PITPNM3: variants seen among roughly 807,000 people sequenced by gnomAD.
PITPNM3 encodes membrane-associated phosphatidylinositol transfer protein 3.
PITPNM3 carries 26 observed loss-of-function variants against 102.0 expected under a neutral mutation model. The observed-to-expected ratio is 0.25, with a 90% CI of 0.19 to 0.35. The LOEUF is 0.35. Ranked by LOEUF, PITPNM3 falls within the 10% of genes least tolerant of loss-of-function variation. The pLI, the probability that PITPNM3 is intolerant of heterozygous loss-of-function variation, is 1.00. For synonymous variants in PITPNM3, 578 were observed against 558.6 expected (o/e 1.03, Z -0.49); for missense variants, 1,083 against 1,346.1 (o/e 0.80, Z 3.06).
In PITPNM3 at chr17:6,508,467, G is replaced by A. The variant is rs575137829; in HGVS notation, c.227-4893C>T. Among the ~76,000 whole-genome samples, 13 of 152,258 alleles carry A rather than the reference G, an allele frequency of 8.5e-5. No individual in the cohort carries two copies. The South Asian group carries it at 1.5e-3, about 17-fold the overall frequency. On this transcript the variant is annotated intron_variant, in intron 3 of 19. Transcript: ENST00000262483. ...AGGGCTCTTCCCACAATTTCACCCC[G>A]CCTCCTATTGGTCGGGGGCTTCCTA... is the stretch of plus-strand genomic sequence containing the variant.
intron 2 of PITPNM3, among the ~76,000 whole-genome samples, chr17:6,531,049 C>T (rs951554443): frequency 2.6e-5 from 4 of 152,346 alleles, no homozygotes; most frequent in East Asian, 1.9e-4. Context: ...CTCCCAGTAA[C>T]ACTATCTCCT....
At chr17:6,512,584 C>G (rs985902562) in intron 3 of PITPNM3, among the ~76,000 whole-genome samples, 3 of 152,114 alleles carry the variant, frequency 2.0e-5, no homozygotes, top group Admixed American at 6.5e-5. Context: ...AATGTGACCC[C>G]CAAAGTCACA....
At position 6,477,096 on chromosome 17, in the gene PITPNM3, G is replaced by A. The variant is rs776506570; in HGVS notation, c.1018C>T (p.Arg340Trp). 141 of 1,614,026 alleles carry A rather than the reference G, an allele frequency of 8.7e-5. No individual in the cohort carries two copies. Among genetic ancestry groups the A allele is most frequent in the Non-Finnish European group, 1.0e-4 (120 of 1,180,038 alleles). The part of the protein sequence containing the change: ...EDEEPKRPLP[R>W]KQSDSSTYDC... ...TAGGTGGAGGAGTCGCTCTGTTTCCGCGGCAACGGCCTCTTGGGCTCCTCA... is the reference window on the plus strand; with the variant it reads ...TAGGTGGAGGAGTCGCTCTGTTTCCACGGCAACGGCCTCTTGGGCTCCTCA... The change falls in exon 9 of 20, where the codon CGG (arginine) becomes TGG (tryptophan). Residue 340 changes from arginine (R) to tryptophan (W), a missense_variant. Physicochemically the swap from Arg to Trp is moderately radical, Grantham distance 101 (BLOSUM62 -3). Around this residue, in one of 5 missense-constraint regions of PITPNM3, gnomAD observed 172 missense variants for 175.6 expected, o/e 0.98. Transcript: ENST00000262483.
rs143559020 is a variant in PITPNM3, at chr17:6,470,976, C to T, written c.1624+185G>A. 2.6e-3 allele frequency among the ~76,000 whole-genome samples: 399 copies of T among 152,230 alleles called. No individual in the cohort carries two copies. The Middle Eastern group carries it at 0.031, about 12-fold the overall frequency. On this transcript the variant is annotated intron_variant, in intron 12 of 19. Coordinates refer to ENST00000262483, the MANE Select transcript of PITPNM3 (RefSeq NM_031220.4). This position sits in a 1 kb window ranked among gnomAD's most constrained non-coding sequence, Gnocchi z 4.8. The stretch of plus-strand genomic sequence containing the variant: ...TTGGGGCCAGAGTGAGGATCTGGAC[C>T]GATGCCAGGTCTCCATCAGCAGACG...
At chr17:6,509,091 G>A (rs1020268460) in intron 3 of PITPNM3, among the ~76,000 whole-genome samples, 2 of 152,172 alleles carry the variant, frequency 1.3e-5, no homozygotes, top group African/African-American at 4.8e-5. Context: ...CAAGGAACTG[G>A]GAAGGCAGAG....
rs1243053293 is a variant in PITPNM3, at chr17:6,469,425, C to A, written c.1773+835G>T. ...GCACACTCTCTCCCACCCCCAAGAA[C>A]CTACAAACAAAACTCACTTTCCTCC... On this transcript the variant is annotated intron_variant, in intron 13 of 19. Transcript: ENST00000262483. This position sits in a 1 kb window ranked among gnomAD's most constrained non-coding sequence, Gnocchi z 4.0. Among the ~76,000 whole-genome samples, 1 of 150,902 alleles carries A rather than the reference C, an allele frequency of 6.6e-6. No homozygotes were observed. The highest frequency in any genetic ancestry group is 1.5e-5 in the Non-Finnish European group (1 of 67,740).
intron 2 of PITPNM3, among the ~76,000 whole-genome samples, chr17:6,530,382 C>T (rs570821086): frequency 1.5e-4 from 23 of 152,340 alleles, no homozygotes; most frequent in African/African-American, 5.5e-4. Context: ...GCACTACCTT[C>T]CTCTCCCAAT....
rs1195298546 is a variant in PITPNM3 at position 6,464,786 on chromosome 17, A to G, written c.1891-15T>C. 3 of 1,613,610 alleles carry G rather than the reference A, an allele frequency of 1.9e-6. No individual in the cohort carries two copies. Among genetic ancestry groups the G allele is most frequent in the Non-Finnish European group, 2.5e-6 (3 of 1,179,654 alleles). ...GCCGTGACATTCTGGAAGGACAGAAAGAAGCTGGCTCAGCCCTTGCAAGGG... is the reference window on the plus strand; with the variant it reads ...GCCGTGACATTCTGGAAGGACAGAAGGAAGCTGGCTCAGCCCTTGCAAGGG... On this transcript the variant is annotated splice_polypyrimidine_tract_variant and intron_variant, in intron 14 of 19. Transcript: ENST00000262483.
chr17:6,476,924 T>C, intron 9 of PITPNM3, 105 bp downstream of exon 9: 7 of 1,394,470 alleles, frequency 5.0e-6, no homozygotes, highest in Non-Finnish European at 6.9e-6. Flanking sequence ...ATTTCAGTGC[T>C]TATCTATGGG....
rs753728286 is a variant in PITPNM3 at position 6,463,770 on chromosome 17, G to A, written c.2268C>T (p.Ser756=). ...CTGCACCCGGCCGGACCTTGGGGTC[G>A]CTTCCCATGATAGACACGCTGGCCG... ...SFAASVSIMG[S]DPKVRPGAVD... Residue 756 remains serine (S), a synonymous_variant, in exon 17 of 20, where the codon AGC becomes AGT. Coordinates refer to ENST00000262483, the MANE Select transcript of PITPNM3 (RefSeq NM_031220.4). 6.2e-6 allele frequency: 10 copies of A among 1,611,992 alleles called. No individual in the cohort carries two copies. The highest frequency in any genetic ancestry group is 4.0e-5 in the African/African-American group (3 of 74,852).
At position 6,478,007 on chromosome 17, in the gene PITPNM3, T is replaced by G. The variant is rs1158666882; in HGVS notation, c.868A>C (p.Ser290Arg). 2.5e-6 allele frequency: 4 copies of G among 1,613,476 alleles called. No individual in the cohort carries two copies. In the African/African-American group the frequency reaches 5.3e-5, roughly 22 times the overall value. The change falls in exon 8 of 20, where the codon AGC (serine) becomes CGC (arginine). Residue 290 changes from serine to arginine, a missense_variant. Ser to Arg is a moderately radical substitution (Grantham distance 110, BLOSUM62 -1). Transcript: ENST00000262483. This position sits in a 1 kb window ranked among gnomAD's most constrained non-coding sequence, Gnocchi z 4.4. Reference sequence around the variant, plus strand: ...CTGCTGATGCTCCCCTTCCGGCTGCTGCTGGCAGGGCTGTCCCCTGAGGGC... The same window carrying G: ...CTGCTGATGCTCCCCTTCCGGCTGCGGCTGGCAGGGCTGTCCCCTGAGGGC... Reference protein sequence around the residue: ...AGPSGDSPASSSRKGSISSTQ... With the variant: ...AGPSGDSPASRSRKGSISSTQ...
Position 6,456,128 on chromosome 17 carries a change from A to G in PITPNM3, c.2620-485T>C, listed in dbSNP as rs1475283532. On this transcript the variant is annotated intron_variant, in intron 19 of 19. Transcript: ENST00000262483. ...AGTCTCAACTTCGCCAGCTCAAGCA[A>G]TACTCCAGCCTCAGCCTCCCGAGTA... 2.6e-5 allele frequency among the ~76,000 whole-genome samples: 4 copies of G among 152,068 alleles called. No homozygotes were observed. In the East Asian group the frequency reaches 7.7e-4, roughly 29 times the overall value.
chr17:6,540,003 G>A (rs891636648), intron 1 of PITPNM3, among the ~76,000 whole-genome samples: 40 of 152,146 alleles, frequency 2.6e-4, no homozygotes, highest in Middle Eastern at 3.2e-3. Context: ...TCCTCTATGC[G>A]GTGGCCTCAT....
chr17:6,527,147 G>A (rs1471453772), intron 2 of PITPNM3, among the ~76,000 whole-genome samples: 3 of 152,264 alleles, frequency 2.0e-5, no homozygotes, highest in African/African-American at 7.2e-5. Flanking sequence ...CTAGCAAGCT[G>A]CTGTGGGGAC....
In PITPNM3 at chr17:6,454,472, A is replaced by T. The variant is rs1216757046; in HGVS notation, c.*866T>A. 6.6e-6 allele frequency: 1 copy of T among 152,318 alleles called. No individual in the cohort carries two copies. Among genetic ancestry groups the T allele is most frequent in the Non-Finnish European group, 1.5e-5 (1 of 68,126 alleles). The allele number at this position is 152,318 out of a possible 1,614,324, so 9.4% of individuals were successfully genotyped here. ...GCCTCAATGGGCCAAACTGCAGGACATCTTGGGAGTCAAAGACTCACACCA... is the reference window on the plus strand; with the variant it reads ...GCCTCAATGGGCCAAACTGCAGGACTTCTTGGGAGTCAAAGACTCACACCA... On this transcript the variant is annotated 3_prime_UTR_variant, in exon 20 of 20. Coordinates refer to ENST00000262483, the MANE Select transcript of PITPNM3 (RefSeq NM_031220.4).
chr17:6,501,342 C>T (rs1282806199), intron 4 of PITPNM3, among the ~76,000 whole-genome samples: 1 of 152,180 alleles, frequency 6.6e-6, no homozygotes, highest in Non-Finnish European at 1.5e-5. Context: ...GACTGCCCCT[C>T]CCAGAGCTGG....
intron 1 of PITPNM3, among the ~76,000 whole-genome samples, chr17:6,540,015 C>T (rs1909649013): frequency 6.6e-6 from 1 of 152,216 alleles, no homozygotes; most frequent in Non-Finnish European, 1.5e-5. Context: ...TGGCCTCATA[C>T]ATGCACGGTT....
intron 14 of PITPNM3, among the ~76,000 whole-genome samples, chr17:6,466,914 AT>A (rs1400644924): frequency 6.6e-6 from 1 of 152,056 alleles, no homozygotes; most frequent in Non-Finnish European, 1.5e-5. Context: ...AAATAAAATA[AT>A]TAGCCGGGCA....
intron 6 of PITPNM3, among the ~76,000 whole-genome samples, chr17:6,483,223 C>T (rs981140627): frequency 6.6e-6 from 1 of 152,066 alleles, no homozygotes; most frequent in Non-Finnish European, 1.5e-5. Flanking sequence ...GGATTACAGG[C>T]GTGAGCCACC....
Sources: allele counts gnomAD v4.1 joint callset (sites outside exome capture counted in the v4.1 genomes callset), GRCh38; gene constraint gnomAD v4.1.1; regional missense constraint gnomAD v4.1.1; non-coding constraint Gnocchi (gnomAD v3.1); transcripts MANE v1.5; gene names NCBI Gene and HGNC (gene_info 2026-07-23, HGNC 2026-07-21).